Variants in KDELR2 observed in about 807,000 individuals in gnomAD.
The protein encoded by KDELR2 is ER lumen protein-retaining receptor 2.
Under a neutral mutation model 23.9 loss-of-function variants are expected in KDELR2, and 15 were observed. That is an observed-to-expected ratio of 0.63 (90% CI 0.42 to 0.97). KDELR2 has a LOEUF of 0.97. KDELR2 is among the 50% of genes least tolerant of loss of function. KDELR2 has a pLI of 0.00. For missense variants in KDELR2, 272 were observed against 254.6 expected (o/e 1.07, Z -0.46); for synonymous variants, 119 against 106.2 (o/e 1.12, Z -0.74).
chr7:6,483,820 C>T (rs1785968255), intron 1 of KDELR2, 147 bp downstream of exon 1: 1 of 499,106 alleles, frequency 2.0e-6, no homozygotes, highest in Admixed American at 4.9e-5. Context: ...CCGCTGCCCC[C>T]CGGGTCCGGG....
intron 3 of KDELR2, 152 bp downstream of exon 3, chr7:6,469,444 A>G (rs547375272): frequency 1.6e-6 from 1 of 614,270 alleles, no homozygotes; most frequent in South Asian, 2.1e-5. Context: ...TTTAGTAGAG[A>G]CGGTGTTGCA....
intron 1 of KDELR2, among the ~76,000 whole-genome samples, 184 bp from the exon 2 acceptor site, chr7:6,474,468 C>G (rs1276651226): frequency 2.6e-5 from 4 of 152,152 alleles, no homozygotes; most frequent in Non-Finnish European, 5.9e-5. Context: ...CCCAAACATG[C>G]TCCTTTTGGG....
In KDELR2 at chr7:6,463,104, A is replaced by G. The variant is rs977739514; in HGVS notation, c.*37T>C. On this transcript the variant is annotated 3_prime_UTR_variant, in exon 5 of 5. Transcript: ENST00000258739. Reference sequence around the variant, plus strand: ...GCTGTGGTAAGAATTCTGTCCGAGCACCCTGAAGGACAGATGCTGGTGATG... The same window carrying G: ...GCTGTGGTAAGAATTCTGTCCGAGCGCCCTGAAGGACAGATGCTGGTGATG... 6.2e-7 allele frequency: 1 copy of G among 1,614,134 alleles called. No individual in the cohort carries two copies. Among genetic ancestry groups the G allele is most frequent in the Non-Finnish European group, 8.5e-7 (1 of 1,180,010 alleles).
Position 6,462,773 on chromosome 7 carries a change from C to A in KDELR2, c.*368G>T, listed in dbSNP as rs1785414843. 2.0e-6 allele frequency: 1 copy of A among 490,624 alleles called. No homozygotes were observed. Among genetic ancestry groups the A allele is most frequent in the Non-Finnish European group, 3.6e-6 (1 of 281,208 alleles). 30.4% of individuals were successfully genotyped at this position (490,624 alleles called of 1,614,324 possible). ...ACTGTCAAGGAGTACAATTTCATTG[C>A]AGACACAAAGACTTAAGAGTTTCAA... On this transcript the variant is annotated 3_prime_UTR_variant, in exon 5 of 5. Coordinates refer to ENST00000258739, the MANE Select transcript of KDELR2 (RefSeq NM_006854.4).
Position 6,463,106 on chromosome 7 carries a change from C to T in KDELR2, c.*35G>A, listed in dbSNP as rs759781760. 3.1e-6 allele frequency: 5 copies of T among 1,614,052 alleles called. No individual in the cohort carries two copies. In the South Asian group the frequency reaches 5.5e-5, roughly 18 times the overall value. On this transcript the variant is annotated 3_prime_UTR_variant, in exon 5 of 5. Transcript: ENST00000258739. ...TGTGGTAAGAATTCTGTCCGAGCAC[C>T]CTGAAGGACAGATGCTGGTGATGGT...
chr7:6,474,062 A>C, intron 2 of KDELR2, 122 bp downstream of exon 2: 1 of 626,766 alleles, frequency 1.6e-6, no homozygotes, highest in Non-Finnish European at 2.8e-6. Flanking sequence ...AAAGTCAAGA[A>C]CAGCATATTA....
chr7:6,469,731 A>AT lies in KDELR2; in HGVS notation c.215dup (p.Tyr72Ter). ...TCAGGTAGATCAGGTACACTGTGGC[A>AT]TAGGAGCAGGCAAGGTAGATAACCT... is the stretch of plus-strand genomic sequence containing the variant. ...SMKVIYLACS[Y>*]ATVYLIYLKF... The change falls in exon 3 of 5, where the codon TAT becomes TAAT. Residue 72 changes from tyrosine (Y) to a stop codon, truncating the protein, a stop_gained and frameshift_variant. Transcript: ENST00000258739. LOFTEE classifies it high-confidence loss of function. 6.2e-7 allele frequency: 1 copy of AT among 1,614,010 alleles called. No individual in the cohort carries two copies. The highest frequency in any genetic ancestry group is 8.5e-7 in the Non-Finnish European group (1 of 1,179,928).
chr7:6,465,928 G>A (rs1472932782), intron 4 of KDELR2, 143 bp downstream of exon 4: 8 of 846,178 alleles, frequency 9.5e-6, no homozygotes, highest in East Asian at 5.0e-5. Context: ...ACAACATCCT[G>A]ATCCAGAATG....
At chr7:6,466,380 G>C (rs767969227) in intron 3 of KDELR2, 57 bp from the exon 4 acceptor site, 3 of 1,588,968 alleles carry the variant, frequency 1.9e-6, no homozygotes, top group Non-Finnish European at 2.6e-6. Flanking sequence ...GAGCTCAGAG[G>C]AAACACTCTT....
At chr7:6,469,884 A>T in intron 2 of KDELR2, 130 bp from the exon 3 acceptor site, 1 of 751,162 alleles carries the variant, frequency 1.3e-6, no homozygotes, top group Non-Finnish European at 2.1e-6. Flanking sequence ...GGAATTTTAA[A>T]ACTTAAATAT....
At chr7:6,471,651 A>T (rs1391919343) in intron 2 of KDELR2, among the ~76,000 whole-genome samples, 1 of 152,190 alleles carries the variant, frequency 6.6e-6, no homozygotes, top group Non-Finnish European at 1.5e-5. Context: ...TACCAATGAC[A>T]TTAAGTGAGG....
At chr7:6,471,355 T>A (rs11770314) in intron 2 of KDELR2, among the ~76,000 whole-genome samples, 3,967 of 151,750 alleles carry the variant, frequency 0.026, 68 homozygotes, top group Non-Finnish European at 0.039. Context: ...CTAATTTTTA[T>A]ATTTGTAGTA....
chr7:6,480,580 G>C (rs534757024), intron 1 of KDELR2, among the ~76,000 whole-genome samples: 1 of 152,254 alleles, frequency 6.6e-6, no homozygotes, highest in African/African-American at 2.4e-5. Context: ...TTCCACACGA[G>C]TCAGCCTCAT....
At chr7:6,474,337 T>C (rs1785712668) in intron 1 of KDELR2, 53 bp from the exon 2 acceptor site, 1 of 1,238,992 alleles carries the variant, frequency 8.1e-7, no homozygotes, top group Non-Finnish European at 1.2e-6. Flanking sequence ...TTGGGATTCC[T>C]GTGGATCACA....
At chr7:6,464,563 G>A (rs1562497985) in intron 4 of KDELR2, among the ~76,000 whole-genome samples, 2 of 151,770 alleles carry the variant, frequency 1.3e-5, no homozygotes, top group Admixed American at 6.6e-5. Context: ...ATGGTAGTGC[G>A]CGACTGTAAT....
Position 6,469,621 on chromosome 7 carries a change from A to T in KDELR2, c.326T>A (p.Val109Asp). The change falls in exon 3 of 5, where the codon GTT (valine) becomes GAT (aspartate). Residue 109 changes from valine (V) to aspartate (D), a missense_variant. By Grantham distance (152) the Val-to-Asp change is radical. Transcript: ENST00000258739. ...CTCAAGAGGAGAGAAATCGTGATTA[A>T]CTAAAAATGAGAGGCCTCCCACAGG... The part of the protein sequence containing the change: ...VVPVGGLSFL[V>D]NHDFSPLEIL... The T allele has an allele frequency of 6.2e-7, 1 of 1,614,072 alleles. No homozygotes were observed. The highest frequency in any genetic ancestry group is 8.5e-7 in the Non-Finnish European group (1 of 1,179,994).
At chr7:6,483,877 C>G (rs1295568513) in intron 1 of KDELR2, 90 bp downstream of exon 1, 2 of 1,082,368 alleles carry the variant, frequency 1.8e-6, no homozygotes, top group African/African-American at 1.7e-5. Flanking sequence ...GCGCAGGCCC[C>G]GCGAGCCGTG....
At chr7:6,466,461 C>G in intron 3 of KDELR2, 138 bp from the exon 4 acceptor site, 1 of 1,006,124 alleles carries the variant, frequency 9.9e-7, no homozygotes, top group Non-Finnish European at 1.4e-6. Flanking sequence ...AGAACAACAG[C>G]TTGGCAACTG....
chr7:6,482,233 AG>A (rs1164586323), intron 1 of KDELR2, among the ~76,000 whole-genome samples: 1 of 152,126 alleles, frequency 6.6e-6, no homozygotes, highest in African/African-American at 2.4e-5. Context: ...TCCTGACCTC[AG>A]GTGATCCACC....
Sources: gnomAD v4.1 joint callset for allele counts (sites outside exome capture counted in the v4.1 genomes callset) on GRCh38, gnomAD v4.1.1 for gene constraint, MANE v1.5 for transcripts, NCBI Gene and HGNC (gene_info 2026-07-23, HGNC 2026-07-21) for gene names.